The following DLGAP1 variants were observed in gnomAD, a reference collection of about 807,000 sequenced individuals.
DLGAP1 encodes the protein disks large-associated protein 1.
DLGAP1 carries 11 observed loss-of-function variants against 90.8 expected under a neutral mutation model. The observed-to-expected ratio is 0.12, with a 90% CI of 0.08 to 0.20. The LOEUF is 0.20. DLGAP1 is among the 10% of genes least tolerant of loss of function. The probability of loss-of-function intolerance (pLI) is 1.00; values close to 1 mark genes in which losing one functional copy is unlikely to be tolerated. For missense variants in DLGAP1, 1,050 were observed against 1,333.8 expected, an observed-to-expected ratio of 0.79 and a Z score of 3.31; for synonymous variants, 558 against 540.7, an observed-to-expected ratio of 1.03 and a Z score of -0.44.
In DLGAP1 at chr18:3,575,421, A is replaced by G. The variant is rs188559168; in HGVS notation, c.1965+6454T>C. ...TGCAAATTGAGTTAAATGATAATAT[A>G]TGGAAATCATAATGTACCATCAGGA... On this transcript the variant is annotated intron_variant, in intron 8 of 12. Coordinates refer to ENST00000315677, the MANE Select transcript of DLGAP1 (RefSeq NM_004746.4). 9.2e-5 allele frequency among the ~76,000 whole-genome samples: 14 copies of G among 152,314 alleles called. No homozygotes were observed. In the East Asian group the frequency reaches 2.7e-3, roughly 29 times the overall value.
At chr18:4,250,170 A>C (rs2078751245) in intron 1 of DLGAP1, among the ~76,000 whole-genome samples, 1 of 152,214 alleles carries the variant, frequency 6.6e-6, no homozygotes, top group Non-Finnish European at 1.5e-5. Flanking sequence ...TTCTGCTCCA[A>C]GATACTTTCT....
chr18:3,651,220 A>G (rs931481120), intron 7 of DLGAP1, among the ~76,000 whole-genome samples: 9 of 151,058 alleles, frequency 6.0e-5, no homozygotes, highest in Non-Finnish European at 1.2e-4. Flanking sequence ...TTAGCTGGGC[A>G]TGGTGGCAGG....
chr18:3,802,276 C>T (rs1240788577), intron 5 of DLGAP1, among the ~76,000 whole-genome samples: 1 of 152,212 alleles, frequency 6.6e-6, no homozygotes, highest in Non-Finnish European at 1.5e-5. Context: ...AGCCACCGAC[C>T]CCGCCACGCA....
rs147604713 is a variant in DLGAP1, at chr18:4,420,477, C to G, written c.-267+34529G>C. ...TTTTAAAATAATATAAAGTCAAGTT[C>G]CTACTTTATCTTTCGTTTCTACTTA... is the stretch of plus-strand genomic sequence containing the variant. On this transcript the variant is annotated intron_variant, in intron 1 of 12. Transcript: ENST00000315677. Among the ~76,000 whole-genome samples the G allele has an allele frequency of 5.2e-3, 789 of 152,252 alleles. 3 individuals carry two copies. The highest frequency in any genetic ancestry group is 0.02 in the Middle Eastern group (6 of 294).
At chr18:4,233,561 G>T (rs1272203801) in intron 1 of DLGAP1, among the ~76,000 whole-genome samples, 3 of 152,080 alleles carry the variant, frequency 2.0e-5, no homozygotes, top group Non-Finnish European at 2.9e-5. Flanking sequence ...TTACGATGTT[G>T]TATGCTGGCT....
chr18:3,570,015 T>A (rs897941370), intron 8 of DLGAP1, among the ~76,000 whole-genome samples: 2 of 152,022 alleles, frequency 1.3e-5, no homozygotes, highest in Admixed American at 6.6e-5. Flanking sequence ...CATTATGTTA[T>A]AATGGCCTAC....
At chr18:4,204,305 A>G (rs976088765) in intron 1 of DLGAP1, among the ~76,000 whole-genome samples, 1 of 152,214 alleles carries the variant, frequency 6.6e-6, no homozygotes, top group South Asian at 2.1e-4. Context: ...TTTCCATAAA[A>G]TCAGGACAAG....
intron 7 of DLGAP1, chr18:3,606,801 A>G (rs1371015426): frequency 6.6e-6 from 1 of 152,242 alleles, no homozygotes; most frequent in African/African-American, 2.4e-5. Flanking sequence ...AGAATTATAC[A>G]CACTATTATT....
At chr18:4,317,463 A>G (rs2080561259) in intron 1 of DLGAP1, among the ~76,000 whole-genome samples, 1 of 152,202 alleles carries the variant, frequency 6.6e-6, no homozygotes, top group African/African-American at 2.4e-5. Flanking sequence ...TATTCCATGT[A>G]GTTTCTTGTA....
intron 7 of DLGAP1, among the ~76,000 whole-genome samples, chr18:3,671,529 G>A (rs1363691399): frequency 6.6e-6 from 1 of 152,150 alleles, no homozygotes; most frequent in Non-Finnish European, 1.5e-5. Flanking sequence ...GGCAATGCAT[G>A]TTTTCCTGCT....
At position 3,527,410 on chromosome 18, in the gene DLGAP1, C is replaced by CTT. The variant is rs3075071; in HGVS notation, c.2479+6782_2479+6783dup. Among the ~76,000 whole-genome samples, 22 of 100,686 alleles carry CTT rather than the reference C, an allele frequency of 2.2e-4. 2 individuals carry two copies. The highest frequency in any genetic ancestry group is 5.2e-4 in the African/African-American group (14 of 26,818). 66.1% of individuals were successfully genotyped at this position (100,686 alleles called of 152,430 possible). On this transcript the variant is annotated intron_variant, in intron 10 of 12. Transcript: ENST00000315677. ...GTGAGTAAACAGGTTATTTTCCAAACTTTTTTTTTTTTTTTTTTTTTTGCC... is the reference window on the plus strand; with the variant it reads ...GTGAGTAAACAGGTTATTTTCCAAACTTTTTTTTTTTTTTTTTTTTTTTTGCC...
At chr18:3,743,264 G>T (rs1374681628) in intron 5 of DLGAP1, among the ~76,000 whole-genome samples, 2 of 152,064 alleles carry the variant, frequency 1.3e-5, no homozygotes, top group African/African-American at 4.8e-5. Context: ...ACCCTTAAAA[G>T]AACTACTCAT....
Position 3,692,712 on chromosome 18 carries a change from T to C in DLGAP1, c.1591+36423A>G, listed in dbSNP as rs138766262. On this transcript the variant is annotated intron_variant, in intron 7 of 12. Coordinates refer to ENST00000315677, the MANE Select transcript of DLGAP1 (RefSeq NM_004746.4). ...ACTCTCCTGTTACTGAGTTCACATA[T>C]ACTCCTTGGGAGAGGGATATTATCT... Among the ~76,000 whole-genome samples the C allele has an allele frequency of 1.5e-4, 23 of 152,364 alleles. 1 individual carries two copies. The highest frequency in any genetic ancestry group is 5.3e-4 in the African/African-American group (22 of 41,592).
chr18:4,140,698 C>T (rs2076481471), intron 2 of DLGAP1, among the ~76,000 whole-genome samples: 1 of 152,088 alleles, frequency 6.6e-6, no homozygotes, highest in Middle Eastern at 3.4e-3. Flanking sequence ...TTAAAGTACT[C>T]CCTTTAGCAT....
rs571717599 is a variant in DLGAP1, at chr18:3,551,295, AG to A, written c.2057+16194del. Among the ~76,000 whole-genome samples the A allele has an allele frequency of 8.9e-4, 135 of 151,726 alleles. 6 individuals are homozygous for A. In the South Asian group the frequency reaches 0.026, roughly 29 times the overall value. On this transcript the variant is annotated intron_variant, in intron 9 of 12. Coordinates refer to ENST00000315677, the MANE Select transcript of DLGAP1 (RefSeq NM_004746.4). ...TAAACGAAGTCTTGCTCTGACACCCAGGCTGGAATGTAGTGGTGGTCTTGCC... is the reference window on the plus strand; with the variant it reads ...TAAACGAAGTCTTGCTCTGACACCCAGCTGGAATGTAGTGGTGGTCTTGCC...
intron 2 of DLGAP1, among the ~76,000 whole-genome samples, chr18:4,053,826 T>A (rs1027703683): frequency 6.6e-6 from 1 of 152,220 alleles, no homozygotes; most frequent in South Asian, 2.1e-4. Flanking sequence ...TCTGGAATTA[T>A]GGGTAAAATC....
intron 9 of DLGAP1, among the ~76,000 whole-genome samples, chr18:3,535,417 G>T (rs1351949671): frequency 6.6e-6 from 1 of 152,094 alleles, no homozygotes; most frequent in African/African-American, 2.4e-5. Context: ...CTTAGAAATA[G>T]GGAAAAAGGG....
chr18:3,611,780 G>A (rs57991596), intron 7 of DLGAP1, among the ~76,000 whole-genome samples: 40,032 of 152,088 alleles, frequency 0.26, 5,380 homozygotes, highest in Non-Finnish European at 0.3. Flanking sequence ...AAACAAAAAA[G>A]CTTACAAGTA....
intron 1 of DLGAP1, among the ~76,000 whole-genome samples, chr18:4,282,205 A>G (rs2079569675): frequency 6.6e-6 from 1 of 152,044 alleles, no homozygotes; most frequent in African/African-American, 2.4e-5. Flanking sequence ...TCTACTAAAA[A>G]TACAAAAAAT....
Sources: gnomAD v4.1 joint callset for allele counts (sites outside exome capture counted in the v4.1 genomes callset) on GRCh38, gnomAD v4.1.1 for gene constraint, MANE v1.5 for transcripts, NCBI Gene and HGNC (gene_info 2026-07-23, HGNC 2026-07-21) for gene names.